The following XKR4 variants were observed in gnomAD, a reference collection of about 807,000 sequenced individuals.
XKR4 encodes the protein XK related 4, also known as XK-related protein 4.
XKR4 carries 12 observed loss-of-function variants against 53.9 expected under a neutral mutation model. The observed-to-expected ratio is 0.22, with a 90% CI of 0.14 to 0.36. XKR4 has a LOEUF of 0.36. XKR4 is among the 10% of genes least tolerant of loss of function. The pLI is 1.00. For synonymous variants in XKR4, 354 were observed against 362.4 expected (o/e 0.98, Z 0.26); for missense variants, 799 against 859.5 (o/e 0.93, Z 0.88).
intron 2 of XKR4, among the ~76,000 whole-genome samples, chr8:55,405,615 G>A (rs146986198): frequency 9.2e-5 from 14 of 152,246 alleles, no homozygotes; most frequent in Admixed American, 7.8e-4. Context: ...TGAGGAATCC[G>A]CAGATTCCAT....
chr8:55,429,554 A>C (rs2129393357), intron 2 of XKR4, among the ~76,000 whole-genome samples: 1 of 152,196 alleles, frequency 6.6e-6, no homozygotes, highest in Admixed American at 6.5e-5. Context: ...ATGAAAAAAA[A>C]AATGTTTTAA....
At chr8:55,212,713 G>A (rs920610062) in intron 1 of XKR4, among the ~76,000 whole-genome samples, 6 of 152,174 alleles carry the variant, frequency 3.9e-5, no homozygotes, top group African/African-American at 1.4e-4. Context: ...CTACTACTAT[G>A]AGTGCTATTC....
At chr8:55,122,733 G>C (rs1816408815) in intron 1 of XKR4, among the ~76,000 whole-genome samples, 1 of 152,010 alleles carries the variant, frequency 6.6e-6, no homozygotes, top group African/African-American at 2.4e-5. Context: ...AATAACAATT[G>C]AATGAAATAT....
chr8:55,486,861 G>C (rs185499467), intron 2 of XKR4, among the ~76,000 whole-genome samples: 2 of 152,250 alleles, frequency 1.3e-5, no homozygotes, highest in Non-Finnish European at 2.9e-5. Flanking sequence ...TTTTGTGAGG[G>C]AGCAATTTCA....
In XKR4 at chr8:55,129,357, G is replaced by A. The variant is rs560118050; in HGVS notation, c.806+26063G>A. Among the ~76,000 whole-genome samples the A allele has an allele frequency of 3.0e-3, 464 of 152,276 alleles. 3 individuals are homozygous for A. The highest frequency in any genetic ancestry group is 4.9e-3 in the Non-Finnish European group (333 of 68,018). ...CTATCCGTTCTCACTCCTGCAGGTC[G>A]GGTGCCGGGAGGTAAAACTGCCTTG... On this transcript the variant is annotated intron_variant, in intron 1 of 2. Coordinates refer to ENST00000327381, the MANE Select transcript of XKR4 (RefSeq NM_052898.2).
chr8:55,531,573 C>T lies in XKR4; in HGVS notation c.*7346C>T, dbSNP rs1054251778. 2.6e-5 allele frequency: 4 copies of T among 151,764 alleles called. No homozygotes were observed. The highest frequency in any genetic ancestry group is 4.4e-5 in the Non-Finnish European group (3 of 67,954). 9.4% of individuals were successfully genotyped at this position (151,764 alleles called of 1,614,324 possible). ...TTTTATAATTTGTTTATATGACTCT[C>T]CAACACTAGATATTTTTAAATTGAT... On this transcript the variant is annotated 3_prime_UTR_variant, in exon 3 of 3. Transcript: ENST00000327381.
intron 1 of XKR4, among the ~76,000 whole-genome samples, chr8:55,334,595 C>G (rs1265689415): frequency 6.6e-6 from 1 of 152,164 alleles, no homozygotes; most frequent in Non-Finnish European, 1.5e-5. Flanking sequence ...TTCCTGGACC[C>G]CTCTCTTCAC....
chr8:55,319,559 G>C (rs1285141800), intron 1 of XKR4, among the ~76,000 whole-genome samples: 1 of 152,194 alleles, frequency 6.6e-6, no homozygotes, highest in Non-Finnish European at 1.5e-5. Context: ...GCAAGAAACT[G>C]TAACGTGCTG....
At chr8:55,221,060 G>A (rs1419088088) in intron 1 of XKR4, among the ~76,000 whole-genome samples, 2 of 152,088 alleles carry the variant, frequency 1.3e-5, no homozygotes, top group Admixed American at 1.3e-4. Flanking sequence ...TATATGTTTT[G>A]AGAATCATTG....
At position 55,289,851 on chromosome 8, in the gene XKR4, G is replaced by GGAAAGAAAGAAAGAAAGAAA. The variant is rs541321670; in HGVS notation, c.807-67790_807-67771dup. ...GGAAGGAAGGAAGAGAAAGAAAGAA[G>GGAAAGAAAGAAAGAAAGAAA]GAAAGAAAGAAAGAAAGAAAGAAAG... is the stretch of plus-strand genomic sequence containing the variant. On this transcript the variant is annotated intron_variant, in intron 1 of 2. Transcript: ENST00000327381. Among the ~76,000 whole-genome samples the GGAAAGAAAGAAAGAAAGAAA allele has an allele frequency of 9.3e-4, 126 of 135,700 alleles. 3 individuals carry two copies. The highest frequency in any genetic ancestry group is 3.7e-3 in the Middle Eastern group (1 of 272). The allele number at this position is 135,700 out of a possible 152,430, so 89.0% of individuals were successfully genotyped here.
intron 1 of XKR4, among the ~76,000 whole-genome samples, chr8:55,233,636 T>A (rs1017587555): frequency 6.6e-6 from 1 of 152,250 alleles, no homozygotes. Flanking sequence ...CACTGCATAT[T>A]TGTCATGGGG....
At chr8:55,220,051 G>A (rs528535169) in intron 1 of XKR4, among the ~76,000 whole-genome samples, 2 of 152,034 alleles carry the variant, frequency 1.3e-5, no homozygotes, top group Non-Finnish European at 2.9e-5. Flanking sequence ...AATTGCTAAC[G>A]AATAGATTTT....
At chr8:55,204,303 G>A (rs7009231) in intron 1 of XKR4, among the ~76,000 whole-genome samples, 76,334 of 152,004 alleles carry the variant, frequency 0.5, 19,780 homozygotes, top group Middle Eastern at 0.74. Context: ...AAATCACAAC[G>A]ACAAGCAGCA....
rs1467856329 is a variant in XKR4, at chr8:55,537,313, C to A, written c.*13086C>A. Reference sequence around the variant, plus strand: ...AGATGTTCATCCTGACATTTGCGTTCCTGATTATTTGTGGACATTTCTTCA... The same window carrying A: ...AGATGTTCATCCTGACATTTGCGTTACTGATTATTTGTGGACATTTCTTCA... On this transcript the variant is annotated 3_prime_UTR_variant, in exon 3 of 3. Transcript: ENST00000327381. The A allele has an allele frequency of 2.6e-5, 4 of 152,208 alleles. No homozygotes were observed. Among genetic ancestry groups the A allele is most frequent in the African/African-American group, 7.2e-5 (3 of 41,458 alleles). The allele number at this position is 152,208 out of a possible 1,614,324, so 9.4% of individuals were successfully genotyped here.
At chr8:55,395,210 A>G (rs888277791) in intron 2 of XKR4, among the ~76,000 whole-genome samples, 1 of 151,792 alleles carries the variant, frequency 6.6e-6, no homozygotes, top group Non-Finnish European at 1.5e-5. Flanking sequence ...GTTCGAGGAA[A>G]CTCCTCAAAT....
intron 2 of XKR4, among the ~76,000 whole-genome samples, chr8:55,504,865 C>G (rs1047751376): frequency 6.6e-6 from 1 of 152,050 alleles, no homozygotes. Context: ...ATAGTATTCT[C>G]TTATAATTCT....
chr8:55,456,340 A>C (rs145693237), intron 2 of XKR4, among the ~76,000 whole-genome samples: 2,114 of 152,288 alleles, frequency 0.014, 52 homozygotes, highest in African/African-American at 0.049. Context: ...CTGAGGCAGG[A>C]GAATCACTTG....
At position 55,286,578 on chromosome 8, in the gene XKR4, G is replaced by A. The variant is rs573426196; in HGVS notation, c.807-71100G>A. 6.0e-4 allele frequency among the ~76,000 whole-genome samples: 91 copies of A among 152,234 alleles called. 3 individuals carry two copies. Among genetic ancestry groups the A allele is most frequent in the African/African-American group, 1.8e-3 (75 of 41,558 alleles). On this transcript the variant is annotated intron_variant, in intron 1 of 2. Transcript: ENST00000327381. ...CAGTGAGCGTCCCTGGAGAGGGAGC[G>A]CCCTCCAGCAGCAGGGCTGTTGGAG...
chr8:55,507,682 C>T (rs1806562558), intron 2 of XKR4, among the ~76,000 whole-genome samples: 1 of 152,100 alleles, frequency 6.6e-6, no homozygotes, highest in African/African-American at 2.4e-5. Context: ...ATGAACTCAT[C>T]ATTTTTTATG....
Sources: gnomAD v4.1 joint callset for allele counts (sites outside exome capture counted in the v4.1 genomes callset) on GRCh38, gnomAD v4.1.1 for gene constraint, MANE v1.5 for transcripts, NCBI Gene and HGNC (gene_info 2026-07-23, HGNC 2026-07-21) for gene names.